The following E2F3 variants were observed in gnomAD, a reference collection of about 807,000 sequenced individuals.
E2F3 encodes the protein E2F transcription factor 3, also known as transcription factor E2F3.
Under a neutral mutation model 44.4 loss-of-function variants are expected in E2F3, and 11 were observed. That is an observed-to-expected ratio of 0.25 (90% CI 0.16 to 0.41). The LOEUF (loss-of-function observed/expected upper bound fraction) is 0.41, where lower values mean the gene tolerates loss of function less well. Ranked by LOEUF, E2F3 falls within the 10% of genes least tolerant of loss-of-function variation. The pLI, the probability that E2F3 is intolerant of heterozygous loss-of-function variation, is 1.00. For missense variants in E2F3, 487 were observed against 583.6 expected (o/e 0.83, Z 1.70); for synonymous variants, 249 against 253.0 (o/e 0.98, Z 0.15).
chr6:20,464,752 A>T (rs1761645431), intron 1 of E2F3, among the ~76,000 whole-genome samples: 1 of 152,186 alleles, frequency 6.6e-6, no homozygotes, highest in South Asian at 2.1e-4. Context: ...TGATAAAGAG[A>T]CACAGCTATT....
In E2F3 at chr6:20,466,838, C is replaced by T. The variant is rs150829117; in HGVS notation, c.394-13008C>T. Among the ~76,000 whole-genome samples the T allele has an allele frequency of 7.5e-3, 1,148 of 152,212 alleles. 35 individuals carry two copies. The highest frequency in any genetic ancestry group is 0.057 in the Admixed American group (870 of 15,284). The stretch of plus-strand genomic sequence containing the variant: ...CTGGGATTTCAGCTGCCTGCCACCA[C>T]GCCCAGCCAATTTTTGTATTTTTGG... On this transcript the variant is annotated intron_variant, in intron 1 of 6. Transcript: ENST00000346618.
chr6:20,461,702 T>C (rs1222938626), intron 1 of E2F3, among the ~76,000 whole-genome samples: 1 of 152,264 alleles, frequency 6.6e-6, no homozygotes, highest in Non-Finnish European at 1.5e-5. Context: ...CTCACTACTA[T>C]ATTTGTGTGA....
chr6:20,424,142 C>T (rs1283806575), intron 1 of E2F3, among the ~76,000 whole-genome samples: 2 of 150,068 alleles, frequency 1.3e-5, no homozygotes, highest in Non-Finnish European at 2.9e-5. Context: ...CAAACCATAA[C>T]AATATTCTAT....
In E2F3 at chr6:20,492,764, T is replaced by C. The variant is rs1042317; in HGVS notation, c.*2334T>C. The C allele has an allele frequency of 0.75, 172,134 of 230,068 alleles. 65,117 individuals are homozygous for C. The highest frequency in any genetic ancestry group is 0.88 in the African/African-American group (39,986 of 45,218). The allele number at this position is 230,068 out of a possible 1,614,324, so 14.3% of individuals were successfully genotyped here. A position where few individuals can be genotyped will look rare whatever the true frequency, so the allele number is the denominator to read the frequency against. ...ATAAGATTTTTTTCCAGTTACTGGGTTTAACTGGTGTACATTAATTAGATG... is the reference window on the plus strand; with the variant it reads ...ATAAGATTTTTTTCCAGTTACTGGGCTTAACTGGTGTACATTAATTAGATG... On this transcript the variant is annotated 3_prime_UTR_variant, in exon 7 of 7. Transcript: ENST00000346618.
intron 1 of E2F3, among the ~76,000 whole-genome samples, chr6:20,416,359 T>A (rs1215484923): frequency 2.6e-5 from 4 of 152,200 alleles, no homozygotes; most frequent in Non-Finnish European, 5.9e-5. Context: ...GCACCTAGCA[T>A]ATGCCAGCCA....
chr6:20,459,054 A>C (rs1173293133), intron 1 of E2F3, among the ~76,000 whole-genome samples: 2 of 152,194 alleles, frequency 1.3e-5, no homozygotes, highest in African/African-American at 4.8e-5. Flanking sequence ...ACCTGAGGTC[A>C]GTATCACCTG....
chr6:20,422,780 A>G (rs994510899), intron 1 of E2F3, among the ~76,000 whole-genome samples: 5 of 152,248 alleles, frequency 3.3e-5, no homozygotes, highest in Non-Finnish European at 7.3e-5. Context: ...TAAGTTTGCC[A>G]TTATATATTG....
At chr6:20,419,065 C>T (rs1220127163) in intron 1 of E2F3, among the ~76,000 whole-genome samples, 1 of 152,010 alleles carries the variant, frequency 6.6e-6, no homozygotes, top group African/African-American at 2.4e-5. Context: ...TTCAAAAATA[C>T]AAAAGTGCAC....
chr6:20,436,322 A>C (rs1760575189), intron 1 of E2F3, among the ~76,000 whole-genome samples: 2 of 152,182 alleles, frequency 1.3e-5, no homozygotes, highest in African/African-American at 4.8e-5. Context: ...TGACTTTAGC[A>C]CATTTCTGGT....
chr6:20,442,981 T>C (rs1760825174), intron 1 of E2F3, among the ~76,000 whole-genome samples: 1 of 133,844 alleles, frequency 7.5e-6, no homozygotes. Context: ...AAAAAAAAAA[T>C]CTCAAATCTA....
In E2F3 at chr6:20,422,195, G is replaced by A. The variant is rs576718346; in HGVS notation, c.393+19570G>A. On this transcript the variant is annotated intron_variant, in intron 1 of 6. Transcript: ENST00000346618. The stretch of plus-strand genomic sequence containing the variant: ...ATGTCAGCACTTGCTGCTTCGCGTT[G>A]CACTTTTATGATATGGAGAAGGCTT... Among the ~76,000 whole-genome samples, 3 of 152,284 alleles carry A rather than the reference G, an allele frequency of 2.0e-5. No individual in the cohort carries two copies. In the South Asian group the frequency reaches 6.2e-4, roughly 32 times the overall value.
chr6:20,424,210 G>GGTATGTGTGTGTGTGTGT lies in E2F3; in HGVS notation c.393+21587_393+21588insATGTGTGTGTGTGTGTGT, dbSNP rs58738322. The stretch of plus-strand genomic sequence containing the variant: ...TTTTGATCTTTAACCTCAGTGGAAG[G>GGTATGTGTGTGTGTGTGT]GTGTGTGTGTGTGTGTGTGTGTGTG... On this transcript the variant is annotated intron_variant, in intron 1 of 6. Transcript: ENST00000346618. Among the ~76,000 whole-genome samples, 169 of 136,996 alleles carry GGTATGTGTGTGTGTGTGT rather than the reference G, an allele frequency of 1.2e-3. 2 individuals are homozygous for GGTATGTGTGTGTGTGTGT. The highest frequency in any genetic ancestry group is 4.0e-3 in the East Asian group (18 of 4,544). 89.9% of individuals were successfully genotyped at this position (136,996 alleles called of 152,430 possible).
intron 1 of E2F3, chr6:20,403,751 G>C: frequency 6.8e-7 from 1 of 1,477,458 alleles, no homozygotes; most frequent in Non-Finnish European, 9.0e-7. Context: ...CGGTCTGTTC[G>C]GCCCTCCGGG....
rs557913217 is a variant in E2F3, at chr6:20,414,857, G to A, written c.393+12232G>A. Among the ~76,000 whole-genome samples the A allele has an allele frequency of 3.9e-5, 6 of 152,272 alleles. No homozygotes were observed. The South Asian group carries it at 8.3e-4, about 21-fold the overall frequency. Reference sequence around the variant, plus strand: ...GGAAGGCGTGTGGACTTGAAGATCCGGCTCCAGAAACACGCTCTGCCAATT... The same window carrying A: ...GGAAGGCGTGTGGACTTGAAGATCCAGCTCCAGAAACACGCTCTGCCAATT... On this transcript the variant is annotated intron_variant, in intron 1 of 6. Transcript: ENST00000346618.
chr6:20,459,713 C>T (rs549269986), intron 1 of E2F3, among the ~76,000 whole-genome samples: 1 of 152,224 alleles, frequency 6.6e-6, no homozygotes, highest in Non-Finnish European at 1.5e-5. Flanking sequence ...GAGGCCTAGG[C>T]GGGCAGATCA....
At chr6:20,461,871 G>A (rs141504910) in intron 1 of E2F3, among the ~76,000 whole-genome samples, 12 of 152,252 alleles carry the variant, frequency 7.9e-5, no homozygotes, top group East Asian at 5.8e-4. Flanking sequence ...GGCCCTCCCC[G>A]TCAACCCCTG....
At chr6:20,432,132 T>G (rs1175290700) in intron 1 of E2F3, among the ~76,000 whole-genome samples, 1 of 152,190 alleles carries the variant, frequency 6.6e-6, no homozygotes, top group Non-Finnish European at 1.5e-5. Flanking sequence ...AACGGGGACG[T>G]GGGGGTGGGC....
At chr6:20,484,570 A>G (rs1368949420) in intron 4 of E2F3, among the ~76,000 whole-genome samples, 7 of 152,178 alleles carry the variant, frequency 4.6e-5, no homozygotes, top group Non-Finnish European at 1.0e-4. Flanking sequence ...CTGGCCCTCT[A>G]TAAAGGCATC....
At chr6:20,474,106 C>T (rs192211421) in intron 1 of E2F3, among the ~76,000 whole-genome samples, 1 of 122,058 alleles carries the variant, frequency 8.2e-6, no homozygotes, top group African/African-American at 3.1e-5. Context: ...GGTTTTTTTT[C>T]GTTTTGAGAG....
Sources: gnomAD v4.1 joint callset for allele counts (sites outside exome capture counted in the v4.1 genomes callset) on GRCh38, gnomAD v4.1.1 for gene constraint, MANE v1.5 for transcripts, NCBI Gene and HGNC (gene_info 2026-07-23, HGNC 2026-07-21) for gene names.